Variants in PPP2R5A observed in about 807,000 individuals in gnomAD.
PPP2R5A encodes serine/threonine-protein phosphatase 2A 56 kDa regulatory subunit alpha isoform.
A neutral mutation model predicts 64.2 loss-of-function variants in PPP2R5A; 25 were observed. The observed-to-expected ratio is 0.39, with a 90% CI of 0.28 to 0.54. The LOEUF is 0.54. PPP2R5A is among the 20% of genes least tolerant of loss of function. PPP2R5A has a pLI of 0.67. For synonymous variants in PPP2R5A, 198 were observed against 201.2 expected, an observed-to-expected ratio of 0.98 and a Z score of 0.13; for missense variants, 425 against 576.3, an observed-to-expected ratio of 0.74 and a Z score of 2.69.
chr1:212,292,062 C>T (rs1487193069), intron 1 of PPP2R5A, among the ~76,000 whole-genome samples: 1 of 152,184 alleles, frequency 6.6e-6, no homozygotes, highest in Non-Finnish European at 1.5e-5. Context: ...AACAAAGGAA[C>T]TATTCTTGAA....
Position 212,359,194 on chromosome 1 carries a change from TC to T in PPP2R5A, c.1328+409del, listed in dbSNP as rs1212414390. Reference sequence around the variant, plus strand: ...TCAATTTGTACAATTTGATTTTTTATCCATGCATTTACGAAAATCCTTTTTG... The same window carrying T: ...TCAATTTGTACAATTTGATTTTTTATCATGCATTTACGAAAATCCTTTTTG... On this transcript the variant is annotated intron_variant, in intron 12 of 12. Coordinates refer to ENST00000261461, the MANE Select transcript of PPP2R5A (RefSeq NM_006243.4). 2.6e-5 allele frequency among the ~76,000 whole-genome samples: 4 copies of T among 152,362 alleles called. No homozygotes were observed. The East Asian group carries it at 7.7e-4, about 29-fold the overall frequency.
At chr1:212,329,895 C>T (rs1340387389) in intron 2 of PPP2R5A, among the ~76,000 whole-genome samples, 4 of 152,126 alleles carry the variant, frequency 2.6e-5, no homozygotes, top group Non-Finnish European at 5.9e-5. Context: ...CGACCTGCCG[C>T]GGCCTCTGAA....
chr1:212,342,871 T>C (rs1659708777), intron 4 of PPP2R5A, among the ~76,000 whole-genome samples: 1 of 152,148 alleles, frequency 6.6e-6, no homozygotes, highest in African/African-American at 2.4e-5. Context: ...AAACTGCTTA[T>C]TAGCTGTTAT....
At chr1:212,344,379 G>A in intron 4 of PPP2R5A, among the ~76,000 whole-genome samples, 1 of 152,162 alleles carries the variant, frequency 6.6e-6, no homozygotes, top group East Asian at 1.9e-4. Flanking sequence ...GGCCTTAACA[G>A]CCTAGCAAAC....
At chr1:212,322,967 T>C (rs1262823352) in intron 1 of PPP2R5A, among the ~76,000 whole-genome samples, 1 of 152,134 alleles carries the variant, frequency 6.6e-6, no homozygotes, top group Non-Finnish European at 1.5e-5. Flanking sequence ...TTTGTGTTTT[T>C]AGTAGAGACG....
At chr1:212,320,042 G>A (rs1273218937) in intron 1 of PPP2R5A, among the ~76,000 whole-genome samples, 2 of 150,022 alleles carry the variant, frequency 1.3e-5, no homozygotes, top group Non-Finnish European at 3.0e-5. Flanking sequence ...GGGAAGGTCA[G>A]CAGATAAGTG....
At position 212,353,046 on chromosome 1, in the gene PPP2R5A, T is replaced by TA. The variant is rs1659915444; in HGVS notation, c.928-3579dup. 29 of 466,528 alleles carry TA rather than the reference T, an allele frequency of 6.2e-5. 1 individual carries two copies. The highest frequency in any genetic ancestry group is 4.6e-4 in the South Asian group (29 of 63,142). The allele number at this position is 466,528 out of a possible 1,614,324, so 28.9% of individuals were successfully genotyped here. ...GGTGGGCCCTCTGCTCAGGGTCTCTTACAAAGCTGCAGTTGGAGTGTTGGC... is the reference window on the plus strand; with the variant it reads ...GGTGGGCCCTCTGCTCAGGGTCTCTTAACAAAGCTGCAGTTGGAGTGTTGGC... On this transcript the variant is annotated intron_variant, in intron 8 of 12. Coordinates refer to ENST00000261461, the MANE Select transcript of PPP2R5A (RefSeq NM_006243.4).
chr1:212,347,096 G>A (rs1203923827), intron 5 of PPP2R5A, among the ~76,000 whole-genome samples: 2 of 152,120 alleles, frequency 1.3e-5, no homozygotes, highest in Non-Finnish European at 2.9e-5. Flanking sequence ...AATATTCCAG[G>A]TGAAATGACA....
Position 212,342,198 on chromosome 1 carries a change from A to C in PPP2R5A, c.491A>C (p.Glu164Ala). The C allele has an allele frequency of 6.2e-7, 1 of 1,613,474 alleles. No homozygotes were observed. Among genetic ancestry groups the C allele is most frequent in the Non-Finnish European group, 8.5e-7 (1 of 1,179,688 alleles). The stretch of plus-strand genomic sequence containing the variant: ...GACTTTCTCTCATAGTTGGTATATG[A>C]ATTCTTCTTGAGATTTTTGGAGAGC... The part of the protein sequence containing the change: ...ASWPHIQLVY[E>A]FFLRFLESPD... Residue 164 changes from glutamate (E) to alanine (A), a missense_variant, in exon 4 of 13, where the codon GAA (glutamate) becomes GCA (alanine). By Grantham distance (107) the Glu-to-Ala change is moderately radical (BLOSUM62 -1). This residue lies in a region of PPP2R5A where 140 missense variants were observed against 204.4 expected (regional missense o/e 0.68). Coordinates refer to ENST00000261461, the MANE Select transcript of PPP2R5A (RefSeq NM_006243.4).
At chr1:212,300,409 T>C (rs1658777831) in intron 1 of PPP2R5A, among the ~76,000 whole-genome samples, 1 of 151,482 alleles carries the variant, frequency 6.6e-6, no homozygotes, top group Non-Finnish European at 1.5e-5. Context: ...AAAGAATATG[T>C]AATGGGAAGT....
intron 1 of PPP2R5A, among the ~76,000 whole-genome samples, chr1:212,296,015 A>T (rs552303388): frequency 6.6e-5 from 10 of 152,158 alleles, no homozygotes; most frequent in Admixed American, 2.0e-4. Context: ...TAAGCCAGGT[A>T]AGACTTTATG....
At chr1:212,328,672 G>T (rs1333307677) in intron 1 of PPP2R5A, among the ~76,000 whole-genome samples, 1 of 152,164 alleles carries the variant, frequency 6.6e-6, no homozygotes, top group Non-Finnish European at 1.5e-5. Context: ...ATGGTTATGG[G>T]ACCAGATAAG....
At chr1:212,358,940 A>G (rs144482668) in intron 12 of PPP2R5A, among the ~76,000 whole-genome samples, 153 bp downstream of exon 12, 2 of 152,380 alleles carry the variant, frequency 1.3e-5, no homozygotes, top group African/African-American at 4.8e-5. Context: ...GTCTCTTAAC[A>G]TATAAGTCAT....
intron 4 of PPP2R5A, among the ~76,000 whole-genome samples, chr1:212,342,668 G>A (rs1019286077): frequency 2.0e-5 from 3 of 152,006 alleles, no homozygotes; most frequent in Non-Finnish European, 4.4e-5. Flanking sequence ...TTGAAATGAC[G>A]GGGGAAAAAA....
chr1:212,341,087 C>G (rs1444692), intron 3 of PPP2R5A, among the ~76,000 whole-genome samples: 126,579 of 152,090 alleles, frequency 0.83, 53,091 homozygotes, highest in African/African-American at 0.94. Context: ...GCTTTTTATA[C>G]CTATTAGGTT....
chr1:212,357,594 G>A (rs528307862), intron 11 of PPP2R5A: 7 of 163,700 alleles, frequency 4.3e-5, no homozygotes, highest in Non-Finnish European at 6.6e-5. Flanking sequence ...ACAAGGTCAG[G>A]AGATTGAGAC....
chr1:212,288,828 A>G (rs1182486763), intron 1 of PPP2R5A, among the ~76,000 whole-genome samples: 2 of 151,380 alleles, frequency 1.3e-5, no homozygotes, highest in Non-Finnish European at 2.9e-5. Context: ...TCAGATATCC[A>G]TGGACTCCAA....
At chr1:212,295,136 A>G (rs1403638211) in intron 1 of PPP2R5A, among the ~76,000 whole-genome samples, 1 of 152,208 alleles carries the variant, frequency 6.6e-6, no homozygotes, top group Non-Finnish European at 1.5e-5. Flanking sequence ...TATTGCATTC[A>G]TACCTGCCAG....
Position 212,285,982 on chromosome 1 carries a change from G to C in PPP2R5A, c.-129G>C, listed in dbSNP as rs1658487444. 3 of 956,932 alleles carry C rather than the reference G, an allele frequency of 3.1e-6. No homozygotes were observed. The Admixed American group carries it at 1.3e-4, about 41-fold the overall frequency. The allele number at this position is 956,932 out of a possible 1,614,324, so 59.3% of individuals were successfully genotyped here. A position where few individuals can be genotyped will look rare whatever the true frequency, so the allele number is the denominator to read the frequency against. ...GAAGCTCGGCGGCGTCCCGGGGCCG[G>C]AGGGCCGTGGGGCCGGGGCGCAGGG... On this transcript the variant is annotated 5_prime_UTR_variant, in exon 1 of 13. Transcript: ENST00000261461.
Sources: gnomAD v4.1 joint callset for allele counts (sites outside exome capture counted in the v4.1 genomes callset) on GRCh38, gnomAD v4.1.1 for gene constraint, gnomAD v4.1.1 regional missense constraint, MANE v1.5 for transcripts, NCBI Gene and HGNC (gene_info 2026-07-23, HGNC 2026-07-21) for gene names.